Variants in ZNF385C observed in about 807,000 individuals in gnomAD.
The protein encoded by ZNF385C is zinc finger protein 385C, also known as CTD-2132N18.2.
In ZNF385C, 28 loss-of-function variants were observed where a neutral mutation model predicts 35.4. That is an observed-to-expected ratio of 0.79 (90% CI 0.59 to 1.08). The LOEUF is 1.08. Among genes scored for constraint, ZNF385C ranks in the 50% least tolerant of loss-of-function variants. The probability of loss-of-function intolerance (pLI) is 0.00; values close to 1 mark genes in which losing one functional copy is unlikely to be tolerated. For missense variants in ZNF385C, 605 were observed against 595.6 expected (o/e 1.02, Z -0.16); for synonymous variants, 248 against 248.2 (o/e 1.00, Z 0.01).
intron 1 of ZNF385C, among the ~76,000 whole-genome samples, chr17:42,078,719 T>C (rs2053711733): frequency 6.6e-6 from 1 of 151,986 alleles, no homozygotes; most frequent in Non-Finnish European, 1.5e-5. Flanking sequence ...GAGGCTCCAC[T>C]GCACTGGGGC....
chr17:42,081,671 C>T (rs550695215), intron 1 of ZNF385C, among the ~76,000 whole-genome samples: 7 of 152,168 alleles, frequency 4.6e-5, no homozygotes, highest in Non-Finnish European at 1.0e-4. Flanking sequence ...CCACCACGCC[C>T]AACCTCTACC....
At chr17:42,074,598 C>A (rs1177133075) in intron 1 of ZNF385C, among the ~76,000 whole-genome samples, 1 of 152,144 alleles carries the variant, frequency 6.6e-6, no homozygotes, top group Non-Finnish European at 1.5e-5. Flanking sequence ...ACCATGTTGT[C>A]CAGGATGGTC....
At chr17:42,077,934 C>T (rs915523962) in intron 1 of ZNF385C, among the ~76,000 whole-genome samples, 1 of 152,196 alleles carries the variant, frequency 6.6e-6, no homozygotes, top group African/African-American at 2.4e-5. Flanking sequence ...CGGCTCCCCA[C>T]TGGTTGCAAA....
intron 1 of ZNF385C, among the ~76,000 whole-genome samples, chr17:42,075,944 G>A (rs537714755): frequency 1.3e-5 from 2 of 152,222 alleles, no homozygotes; most frequent in South Asian, 4.1e-4. Flanking sequence ...AGAGCTGAGC[G>A]TCCTTGAAAC....
At chr17:42,088,862 G>C (rs367676225) in intron 1 of ZNF385C, among the ~76,000 whole-genome samples, 2 of 152,190 alleles carry the variant, frequency 1.3e-5, no homozygotes, top group South Asian at 2.1e-4. Flanking sequence ...TCTGTAACCC[G>C]TCACCCAGGC....
At position 42,029,436 on chromosome 17, in the gene ZNF385C, G is replaced by A. The variant is rs150755980; in HGVS notation, c.677-363C>T. On this transcript the variant is annotated intron_variant, in intron 5 of 8. Coordinates refer to ENST00000692273, the MANE Select transcript of ZNF385C (RefSeq NM_001392013.1). ...GCAGATTTTTAAAAAACAATGGTGC[G>A]GGCTGGATACGGTGGCTCATGTCTG... Among the ~76,000 whole-genome samples, 5 of 152,276 alleles carry A rather than the reference G, an allele frequency of 3.3e-5. No homozygotes were observed. The East Asian group carries it at 5.8e-4, about 18-fold the overall frequency.
At chr17:42,082,413 C>G (rs1343945976) in intron 1 of ZNF385C, among the ~76,000 whole-genome samples, 1 of 152,256 alleles carries the variant, frequency 6.6e-6, no homozygotes, top group African/African-American at 2.4e-5. Flanking sequence ...CCCCTGCTCC[C>G]ACAACTAGGC....
rs187781577 is a variant in ZNF385C, at chr17:42,081,674, C to T, written c.-3+16736G>A. 6.6e-3 allele frequency among the ~76,000 whole-genome samples: 1,005 copies of T among 152,290 alleles called. 8 individuals are homozygous for T. The highest frequency in any genetic ancestry group is 0.014 in the Middle Eastern group (4 of 294). ...TACAGGCATGAGCCACCACGCCCAA[C>T]CTCTACCCAGAGATTCTGATAGGCT... is the stretch of plus-strand genomic sequence containing the variant. On this transcript the variant is annotated intron_variant, in intron 1 of 8. Transcript: ENST00000692273.
chr17:42,069,711 G>A (rs2053596947), intron 1 of ZNF385C, among the ~76,000 whole-genome samples: 1 of 152,220 alleles, frequency 6.6e-6, no homozygotes, highest in Non-Finnish European at 1.5e-5. Context: ...GCCAAACTTG[G>A]GCCAGACCCT....
chr17:42,073,929 A>T (rs1342837306), intron 1 of ZNF385C, among the ~76,000 whole-genome samples: 2 of 151,140 alleles, frequency 1.3e-5, no homozygotes, highest in Non-Finnish European at 2.9e-5. Flanking sequence ...CCACGGTGCC[A>T]CCAAGTCTCC....
chr17:42,055,832 T>C (rs1555657523), intron 2 of ZNF385C, among the ~76,000 whole-genome samples: 2 of 151,972 alleles, frequency 1.3e-5, no homozygotes, highest in Non-Finnish European at 2.9e-5. Context: ...AGTCAAAGAC[T>C]TGGAAAGGGG....
chr17:42,061,207 A>ATTTTTTTTTTTTTTTTTTTTTTTTTTT (rs10617911), intron 2 of ZNF385C: 4 of 57,508 alleles, frequency 7.0e-5, no homozygotes, highest in East Asian at 6.9e-4. Flanking sequence ...TAATGAGTTA[A>ATTTTTTTTTTTTTTTTTTTTTTTTTTT]TTTTTTTTTT....
intron 1 of ZNF385C, among the ~76,000 whole-genome samples, chr17:42,082,308 GA>G (rs2143930928): frequency 6.6e-6 from 1 of 152,348 alleles, no homozygotes; most frequent in Non-Finnish European, 1.5e-5. Context: ...AAAGTGCTGG[GA>G]TTACAGGCGT....
At chr17:42,039,539 G>A (rs1032936780) in intron 2 of ZNF385C, 12 of 394,744 alleles carry the variant, frequency 3.0e-5, no homozygotes, top group African/African-American at 2.1e-4. Flanking sequence ...ACAGCCCACA[G>A]GGTGGGGGGG....
intron 1 of ZNF385C, among the ~76,000 whole-genome samples, chr17:42,069,460 C>T (rs1450883102): frequency 6.6e-6 from 1 of 152,172 alleles, no homozygotes; most frequent in Non-Finnish European, 1.5e-5. Context: ...AAACAGGCAG[C>T]AGACGGTTGT....
rs553545331 is a variant in ZNF385C, at chr17:42,038,166, C to T, written c.251-281G>A. On this transcript the variant is annotated intron_variant, in intron 2 of 8. Transcript: ENST00000692273. ...GGCAGCATACTGAACCCCAGGGCAG[C>T]CCAGCCAAGAGAGGGACAGAGGGGT... is the stretch of plus-strand genomic sequence containing the variant. The T allele has an allele frequency of 9.3e-5, 113 of 1,214,464 alleles. No individual in the cohort carries two copies. The African/African-American group carries it at 1.6e-3, about 17-fold the overall frequency. 75.2% of individuals were successfully genotyped at this position (1,214,464 alleles called of 1,614,324 possible). A position where few individuals can be genotyped will look rare whatever the true frequency, so the allele number is the denominator to read the frequency against.
intron 2 of ZNF385C, among the ~76,000 whole-genome samples, chr17:42,054,245 A>G (rs1424566479): frequency 6.6e-6 from 1 of 152,042 alleles, no homozygotes; most frequent in African/African-American, 2.4e-5. Flanking sequence ...GTCCACAGGG[A>G]CCTCCAGGGA....
chr17:42,026,855 G>C lies in ZNF385C; in HGVS notation c.*42C>G, dbSNP rs782513428. The C allele has an allele frequency of 1.3e-6, 2 of 1,538,102 alleles. No individual in the cohort carries two copies. The highest frequency in any genetic ancestry group is 1.8e-6 in the Non-Finnish European group (2 of 1,131,816). ...GGTGTCTCAGGACAGGAGGAGACAAGGAGTGGCTATTGGGAAATCAGCTCT... is the reference window on the plus strand; with the variant it reads ...GGTGTCTCAGGACAGGAGGAGACAACGAGTGGCTATTGGGAAATCAGCTCT... On this transcript the variant is annotated 3_prime_UTR_variant, in exon 9 of 9. Transcript: ENST00000692273.
intron 1 of ZNF385C, among the ~76,000 whole-genome samples, chr17:42,088,146 T>A (rs1199492179): frequency 6.6e-6 from 1 of 152,246 alleles, no homozygotes; most frequent in African/African-American, 2.4e-5. Context: ...TACATATGTT[T>A]GCTAAATAAC....
Sources: allele counts gnomAD v4.1 joint callset (sites outside exome capture counted in the v4.1 genomes callset), GRCh38; gene constraint gnomAD v4.1.1; transcripts MANE v1.5; gene names NCBI Gene and HGNC (gene_info 2026-07-23, HGNC 2026-07-21).